Variants in KANK2 observed in about 807,000 individuals in gnomAD.
KANK2 encodes the protein KN motif and ankyrin repeat domains 2, also known as KN motif and ankyrin repeat domain-containing protein 2.
KANK2 carries 41 observed loss-of-function variants against 74.6 expected under a neutral mutation model. The ratio of observed to expected loss-of-function variants is 0.55; its 90% CI spans 0.43 to 0.71. The LOEUF (loss-of-function observed/expected upper bound fraction) is 0.71. Ranked by LOEUF, KANK2 falls within the 30% of genes least tolerant of loss-of-function variation. The pLI is 0.00. For synonymous variants in KANK2, 537 were observed against 519.0 expected, an observed-to-expected ratio of 1.03 and a Z score of -0.47; for missense variants, 1,148 against 1,196.4, an observed-to-expected ratio of 0.96 and a Z score of 0.60.
At position 11,166,369 on chromosome 19, in the gene KANK2, C is replaced by T. The variant is rs1162989174; in HGVS notation, c.*189G>A. ...ACTTTGAACAGGGGAGCCAAGAAAA[C>T]CCACTTGGAGCTGGAGTCCTGTGGC... On this transcript the variant is annotated 3_prime_UTR_variant, in exon 13 of 13. Transcript: ENST00000586659. 5.1e-6 allele frequency: 3 copies of T among 589,746 alleles called. No homozygotes were observed. Among genetic ancestry groups the T allele is most frequent in the Non-Finnish European group, 9.0e-6 (3 of 332,570 alleles). 36.5% of individuals were successfully genotyped at this position (589,746 alleles called of 1,614,324 possible). A position where few individuals can be genotyped will look rare whatever the true frequency, so the allele number is the denominator to read the frequency against.
intron 4 of KANK2, among the ~76,000 whole-genome samples, chr19:11,188,153 C>T (rs66973117): frequency 0.22 from 33,594 of 151,794 alleles, 4,115 homozygotes; most frequent in South Asian, 0.42. Flanking sequence ...GGATGGTTGT[C>T]AGGAGCTGAG....
intron 4 of KANK2, among the ~76,000 whole-genome samples, chr19:11,191,802 A>C (rs1473304145): frequency 6.6e-6 from 1 of 152,186 alleles, no homozygotes; most frequent in Non-Finnish European, 1.5e-5. Context: ...TCATGCTTGT[A>C]ATCCCAGCAC....
chr19:11,174,844 G>C (rs1036214857), intron 8 of KANK2, 152 bp from the exon 9 acceptor site: 4 of 651,696 alleles, frequency 6.1e-6, no homozygotes, highest in Admixed American at 4.9e-5. Context: ...GGGAAGTGTA[G>C]ACATCTCTGT....
intron 4 of KANK2, among the ~76,000 whole-genome samples, chr19:11,187,607 A>G (rs1272912335): frequency 6.6e-6 from 1 of 152,204 alleles, no homozygotes; most frequent in Non-Finnish European, 1.5e-5. Flanking sequence ...GGGACTCATG[A>G]AAAGTATGTG....
At chr19:11,180,122 G>C (rs2078470955) in intron 4 of KANK2, among the ~76,000 whole-genome samples, 1 of 152,268 alleles carries the variant, frequency 6.6e-6, no homozygotes, top group African/African-American at 2.4e-5. Context: ...AAAGTGCTGG[G>C]ATTACCTCCG....
chr19:11,172,033 T>C (rs953891728), intron 10 of KANK2, among the ~76,000 whole-genome samples: 4 of 148,762 alleles, frequency 2.7e-5, no homozygotes, highest in African/African-American at 1.0e-4. Context: ...TGGAGGACAG[T>C]GGTGCGATCT....
chr19:11,177,987 T>C (rs2078394023), intron 6 of KANK2, among the ~76,000 whole-genome samples: 1 of 152,116 alleles, frequency 6.6e-6, no homozygotes, highest in African/African-American at 2.4e-5. Flanking sequence ...CTGCACCACC[T>C]GAGTGTTCCC....
chr19:11,186,049 T>C (rs1178834204), intron 4 of KANK2, among the ~76,000 whole-genome samples: 1 of 148,690 alleles, frequency 6.7e-6, no homozygotes, highest in Non-Finnish European at 1.5e-5. Context: ...AACAAAACAA[T>C]GAGGAGATAC....
In KANK2 at chr19:11,166,428, C is replaced by A. The variant is rs1284477134; in HGVS notation, c.*130G>T. 5 of 797,046 alleles carry A rather than the reference C, an allele frequency of 6.3e-6. No homozygotes were observed. Among genetic ancestry groups the A allele is most frequent in the Non-Finnish European group, 8.3e-6 (4 of 482,782 alleles). The allele number at this position is 797,046 out of a possible 1,614,324, so 49.4% of individuals were successfully genotyped here. A position where few individuals can be genotyped will look rare whatever the true frequency, so the allele number is the denominator to read the frequency against. ...CTCCCCCAGGGAAGCAGAGGGAGAG[C>A]TCGCTTGCCTTTGAGCCGTGGGCCT... is the stretch of plus-strand genomic sequence containing the variant. On this transcript the variant is annotated 3_prime_UTR_variant, in exon 13 of 13. Coordinates refer to ENST00000586659, the MANE Select transcript of KANK2 (RefSeq NM_001136191.3).
chr19:11,191,154 C>T (rs374036276), intron 4 of KANK2, among the ~76,000 whole-genome samples: 1 of 151,956 alleles, frequency 6.6e-6, no homozygotes, highest in Admixed American at 6.6e-5. Context: ...GATTCTCCTG[C>T]CTCAGCCTCC....
chr19:11,165,028 T>C lies in KANK2; in HGVS notation c.*1530A>G, dbSNP rs549837690. ...GCGCACTCCTGATCACAAAGCACAT[T>C]TTTAGAGGCTTGGAACCCTTCCCTT... On this transcript the variant is annotated 3_prime_UTR_variant, in exon 13 of 13. Coordinates refer to ENST00000586659, the MANE Select transcript of KANK2 (RefSeq NM_001136191.3). 6.6e-6 allele frequency: 1 copy of C among 152,170 alleles called. No homozygotes were observed. Among genetic ancestry groups the C allele is most frequent in the South Asian group, 2.1e-4 (1 of 4,830 alleles). The allele number at this position is 152,170 out of a possible 1,614,324, so 9.4% of individuals were successfully genotyped here. A position where few individuals can be genotyped will look rare whatever the true frequency, so the allele number is the denominator to read the frequency against.
chr19:11,178,299 G>C (rs1434005678), intron 6 of KANK2, 46 bp downstream of exon 6: 2 of 1,055,928 alleles, frequency 1.9e-6, no homozygotes, highest in African/African-American at 3.7e-5. Flanking sequence ...ATGAATGGAG[G>C]AGGGGCGGGA....
chr19:11,167,871 C>A (rs1296023366), intron 12 of KANK2, among the ~76,000 whole-genome samples: 1 of 151,932 alleles, frequency 6.6e-6, no homozygotes, highest in East Asian at 1.9e-4. Context: ...GCCTCAGGGC[C>A]TTTGCACTGC....
In KANK2 at chr19:11,178,789, T is replaced by C; in HGVS notation, c.1250-69A>G. 1.9e-5 allele frequency: 27 copies of C among 1,405,560 alleles called. No homozygotes were observed. The South Asian group carries it at 3.7e-4, about 19-fold the overall frequency. The allele number at this position is 1,405,560 out of a possible 1,614,324, so 87.1% of individuals were successfully genotyped here. ...CAAACCACCACAGCCCTGCGGGTCA[T>C]ACACCCTGGGCCAGGAGCTGTAACA... On this transcript the variant is annotated intron_variant, in intron 4 of 12. Coordinates refer to ENST00000586659, the MANE Select transcript of KANK2 (RefSeq NM_001136191.3).
rs2078225761 is a variant in KANK2 at position 11,173,107 on chromosome 19, G to A, written c.2085C>T (p.Asp695=). The A allele has an allele frequency of 6.2e-7, 1 of 1,613,528 alleles. No individual in the cohort carries two copies. Among genetic ancestry groups the A allele is most frequent in the Non-Finnish European group, 8.5e-7 (1 of 1,179,782 alleles). The change falls in exon 10 of 13, where the codon GAC becomes GAT. Residue 695 remains aspartate (D), a synonymous_variant. Transcript: ENST00000586659. ...GGCTGTAGCCAGCACGGTTCTGTTT[G>A]TCCACCTTGCAGACACCTAAGAGAC... ...QLLDSGVCKV[D]KQNRAGYSPI... is the part of the protein sequence containing the mutation.
In KANK2 at chr19:11,194,593, G is replaced by A; in HGVS notation, c.-79-3C>T. On this transcript the variant is annotated splice_region_variant and splice_polypyrimidine_tract_variant and intron_variant, in intron 2 of 12. Transcript: ENST00000586659. Reference sequence around the variant, plus strand: ...CTGCAGCACCGGCTGAGGCTTACCTGGGGAAAGAGAACCACGGCGCCGGGA... The same window carrying A: ...CTGCAGCACCGGCTGAGGCTTACCTAGGGAAAGAGAACCACGGCGCCGGGA... The A allele has an allele frequency of 1.7e-6, 2 of 1,175,898 alleles. No homozygotes were observed. Among genetic ancestry groups the A allele is most frequent in the Non-Finnish European group, 2.5e-6 (2 of 785,956 alleles). The allele number at this position is 1,175,898 out of a possible 1,614,324, so 72.8% of individuals were successfully genotyped here.
chr19:11,174,397 G>A, intron 9 of KANK2, 76 bp downstream of exon 9: 1 of 1,199,058 alleles, frequency 8.3e-7, no homozygotes, highest in Non-Finnish European at 1.2e-6. Flanking sequence ...GGGGAGGGCA[G>A]TGTCTTCCCT....
At chr19:11,169,824 G>T (rs1479568815) in intron 12 of KANK2, 53 bp downstream of exon 12, 2 of 1,431,452 alleles carry the variant, frequency 1.4e-6, no homozygotes, top group Non-Finnish European at 2.0e-6. Context: ...ACAAATCTCT[G>T]TCCTTTCAGA....
Position 11,170,027 on chromosome 19 carries a change from T to C in KANK2, c.2412+21A>G. 6.2e-7 allele frequency: 1 copy of C among 1,611,876 alleles called. No homozygotes were observed. The highest frequency in any genetic ancestry group is 8.5e-7 in the Non-Finnish European group (1 of 1,178,172). On this transcript the variant is annotated intron_variant, in intron 11 of 12. Coordinates refer to ENST00000586659, the MANE Select transcript of KANK2 (RefSeq NM_001136191.3). The surrounding 1 kb of genome is among the most constrained non-coding windows in gnomAD (Gnocchi z 5.2). The stretch of plus-strand genomic sequence containing the variant: ...TGCTGTGCTCCCGCCCTCCCCGGGG[T>C]GCACCTGGTTGGAGACTCACGCGAT...
Sources: gnomAD v4.1 joint callset for allele counts (sites outside exome capture counted in the v4.1 genomes callset) on GRCh38, gnomAD v4.1.1 for gene constraint, Gnocchi (gnomAD v3.1) non-coding constraint, MANE v1.5 for transcripts, NCBI Gene and HGNC (gene_info 2026-07-23, HGNC 2026-07-21) for gene names.